Variants in GRK5 observed in about 807,000 individuals in gnomAD.
The protein encoded by GRK5 is g protein-coupled receptor kinase GRK5.
A neutral mutation model predicts 78.4 loss-of-function variants in GRK5; 40 were observed. The observed-to-expected ratio is 0.51, with a 90% CI of 0.40 to 0.66. GRK5 has a LOEUF of 0.66. Ranked by LOEUF, GRK5 falls within the 30% of genes least tolerant of loss-of-function variation. The pLI, the probability that GRK5 is intolerant of heterozygous loss-of-function variation, is 0.00. For synonymous variants in GRK5, 289 were observed against 296.8 expected, an observed-to-expected ratio of 0.97 and a Z score of 0.27; for missense variants, 598 against 759.9, an observed-to-expected ratio of 0.79 and a Z score of 2.50.
At chr10:119,262,985 T>TA (rs1039687370) in intron 1 of GRK5, among the ~76,000 whole-genome samples, 2 of 152,176 alleles carry the variant, frequency 1.3e-5, no homozygotes, top group African/African-American at 4.8e-5. Context: ...AAATATTTCT[T>TA]ACTATATCTC....
rs918856373 is a variant in GRK5, at chr10:119,306,317, G to A, written c.53-20199G>A. Among the ~76,000 whole-genome samples the A allele has an allele frequency of 7.9e-5, 12 of 152,358 alleles. No homozygotes were observed. The South Asian group carries it at 1.0e-3, about 13-fold the overall frequency. The stretch of plus-strand genomic sequence containing the variant: ...ATTGCAGACACCTCTGTGTGAGTCT[G>A]TTCAGCCTGAACTGCACACACCGAT... On this transcript the variant is annotated intron_variant, in intron 1 of 15. Transcript: ENST00000392870.
In GRK5 at chr10:119,455,547, A is replaced by C. The variant is rs1367282531; in HGVS notation, c.*480A>C. The C allele has an allele frequency of 3.7e-5, 11 of 295,534 alleles. No homozygotes were observed. Among genetic ancestry groups the C allele is most frequent in the Admixed American group, 1.1e-4 (2 of 18,938 alleles). 18.3% of individuals were successfully genotyped at this position (295,534 alleles called of 1,614,324 possible). On this transcript the variant is annotated 3_prime_UTR_variant, in exon 16 of 16. Coordinates refer to ENST00000392870, the MANE Select transcript of GRK5 (RefSeq NM_005308.3). ...AGCGGGGAGGGGGTTATCAAAAAAA[A>C]AAAAATGTGACTCAAGACTTCCAGA...
chr10:119,375,905 C>T (rs1469801451), intron 2 of GRK5, among the ~76,000 whole-genome samples: 3 of 152,268 alleles, frequency 2.0e-5, no homozygotes, highest in Admixed American at 6.5e-5. Flanking sequence ...CCACAGGCCA[C>T]AATAGCTCCC....
At position 119,454,956 on chromosome 10, in the gene GRK5, A is replaced by G; in HGVS notation, c.1675-13A>G. On this transcript the variant is annotated splice_polypyrimidine_tract_variant and intron_variant, in intron 15 of 15. Coordinates refer to ENST00000392870, the MANE Select transcript of GRK5 (RefSeq NM_005308.3). ...TGTTCTCTCCACCCCGTCTCCCCCA[A>G]CCCCAACCCCAGCATCAGAACAATT... 3 of 1,595,786 alleles carry G rather than the reference A, an allele frequency of 1.9e-6. No individual in the cohort carries two copies. Among genetic ancestry groups the G allele is most frequent in the Non-Finnish European group, 1.7e-6 (2 of 1,164,208 alleles).
At chr10:119,331,342 G>A (rs1435128962) in intron 2 of GRK5, among the ~76,000 whole-genome samples, 5 of 152,262 alleles carry the variant, frequency 3.3e-5, no homozygotes, top group Non-Finnish European at 5.9e-5. Flanking sequence ...GACGTGAGCC[G>A]TGGGGCTGCA....
chr10:119,256,914 G>A (rs78796823), intron 1 of GRK5, among the ~76,000 whole-genome samples: 8,306 of 152,210 alleles, frequency 0.055, 742 homozygotes, highest in African/African-American at 0.19. Context: ...ACGGTCCCTG[G>A]CAACCGCCAA....
intron 2 of GRK5, among the ~76,000 whole-genome samples, chr10:119,327,394 G>A (rs1019114502): frequency 6.6e-6 from 1 of 152,178 alleles, no homozygotes; most frequent in Non-Finnish European, 1.5e-5. Flanking sequence ...GTGCCCTGGG[G>A]TGGGTCCTTC....
chr10:119,282,499 A>C (rs1261622946), intron 1 of GRK5, among the ~76,000 whole-genome samples: 3 of 152,148 alleles, frequency 2.0e-5, no homozygotes, highest in African/African-American at 7.2e-5. Context: ...ATGTGTCTGC[A>C]CTGCTGTGTC....
intron 1 of GRK5, among the ~76,000 whole-genome samples, chr10:119,279,514 A>C (rs1849724736): frequency 6.6e-6 from 1 of 152,104 alleles, no homozygotes; most frequent in Non-Finnish European, 1.5e-5. Flanking sequence ...GCTCGGTGCT[A>C]CTAGGGGGGT....
At position 119,436,881 on chromosome 10, in the gene GRK5, A is replaced by T. The variant is rs1852931453; in HGVS notation, c.929+40A>T. 3.2e-6 allele frequency: 5 copies of T among 1,545,406 alleles called. No homozygotes were observed. In the East Asian group the frequency reaches 1.1e-4, roughly 35 times the overall value. ...CCAAGGACTTCCAAGTCTAAGTCCG[A>T]GGGGGTGGGGCCAGCCCCTCCACAC... On this transcript the variant is annotated intron_variant, in intron 9 of 15. Coordinates refer to ENST00000392870, the MANE Select transcript of GRK5 (RefSeq NM_005308.3).
intron 4 of GRK5, among the ~76,000 whole-genome samples, chr10:119,413,382 T>C (rs1852382240): frequency 6.6e-6 from 1 of 151,234 alleles, no homozygotes; most frequent in South Asian, 2.2e-4. Flanking sequence ...TTTCCTGCTG[T>C]GAACGTTCAC....
intron 4 of GRK5, among the ~76,000 whole-genome samples, chr10:119,403,482 C>G (rs1852185004): frequency 6.6e-6 from 1 of 152,188 alleles, no homozygotes; most frequent in Non-Finnish European, 1.5e-5. Context: ...TCTTTTGTAG[C>G]ATAATGTTTT....
chr10:119,288,961 G>T lies in GRK5; in HGVS notation c.53-37555G>T, dbSNP rs1355092157. Among the ~76,000 whole-genome samples, 4 of 152,198 alleles carry T rather than the reference G, an allele frequency of 2.6e-5. No individual in the cohort carries two copies. The East Asian group carries it at 7.7e-4, about 29-fold the overall frequency. On this transcript the variant is annotated intron_variant, in intron 1 of 15. Coordinates refer to ENST00000392870, the MANE Select transcript of GRK5 (RefSeq NM_005308.3). ...CTCAGGTCACATTCCCAGAGAGCCT[G>T]CACAAGAGGGCTGAGTCTGTTTATT... is the stretch of plus-strand genomic sequence containing the variant.
At chr10:119,340,213 G>A (rs752862206) in intron 2 of GRK5, among the ~76,000 whole-genome samples, 4 of 152,014 alleles carry the variant, frequency 2.6e-5, no homozygotes, top group Non-Finnish European at 4.4e-5. Context: ...TGCAACCCCC[G>A]CCTCCTGGGT....
chr10:119,291,750 A>ATCCTCTTCCTCATCC (rs1277963218), intron 1 of GRK5, among the ~76,000 whole-genome samples: 38 of 94,348 alleles, frequency 4.0e-4, no homozygotes, highest in African/African-American at 1.6e-3. Context: ...CTTCCTCTTC[A>ATCCTCTTCCTCATCC]TCCTCTTCCT....
intron 1 of GRK5, among the ~76,000 whole-genome samples, chr10:119,230,505 C>T (rs979527251): frequency 6.6e-6 from 1 of 152,058 alleles, no homozygotes; most frequent in Non-Finnish European, 1.5e-5. Flanking sequence ...CAAGGAAACT[C>T]CCCCTTATAA....
At chr10:119,419,549 C>T (rs1477473437) in intron 4 of GRK5, among the ~76,000 whole-genome samples, 10 of 152,202 alleles carry the variant, frequency 6.6e-5, no homozygotes, top group African/African-American at 1.7e-4. Flanking sequence ...CTCTTCAAGT[C>T]GAGCCAGTGG....
chr10:119,409,734 T>C (rs10736274), intron 4 of GRK5, among the ~76,000 whole-genome samples: 151,608 of 152,086 alleles, frequency 1, 75,567 homozygotes, highest in Middle Eastern at 1. Flanking sequence ...CCCTTTATTT[T>C]GCAGCCCGAA....
intron 1 of GRK5, among the ~76,000 whole-genome samples, chr10:119,319,745 G>A (rs1267467370): frequency 1.3e-5 from 2 of 152,216 alleles, no homozygotes; most frequent in Non-Finnish European, 2.9e-5. Flanking sequence ...CTGGGTGTGT[G>A]GCTTATTCCC....
Sources: gnomAD v4.1 joint callset for allele counts (sites outside exome capture counted in the v4.1 genomes callset) on GRCh38, gnomAD v4.1.1 for gene constraint, MANE v1.5 for transcripts, NCBI Gene and HGNC (gene_info 2026-07-23, HGNC 2026-07-21) for gene names.